NPTN: variants seen among roughly 807,000 people sequenced by gnomAD.
NPTN encodes the protein SDR-1.
Under a neutral mutation model 42.7 loss-of-function variants are expected in NPTN, and 5 were observed. The observed-to-expected ratio is 0.12, with a 90% CI of 0.06 to 0.25. The LOEUF (loss-of-function observed/expected upper bound fraction) is 0.25, where lower values mean the gene tolerates loss of function less well. NPTN is among the 10% of genes least tolerant of loss of function. The probability of loss-of-function intolerance (pLI) is 1.00; values close to 1 mark genes in which losing one functional copy is unlikely to be tolerated. For missense variants in NPTN, 307 were observed against 525.4 expected, an observed-to-expected ratio of 0.58 and a Z score of 4.06; for synonymous variants, 180 against 201.9, an observed-to-expected ratio of 0.89 and a Z score of 0.92.
intron 2 of NPTN, among the ~76,000 whole-genome samples, chr15:73,596,417 CACA>C (rs1437034412): frequency 2.0e-5 from 3 of 152,222 alleles, no homozygotes; most frequent in African/African-American, 4.8e-5. Context: ...ACATTCCCAT[CACA>C]ACAAGATGAC....
chr15:73,633,059 G>T lies in NPTN; in HGVS notation c.91+66C>A, dbSNP rs568363239. ...AGCTCCAGCGTCTCCTCAGGCCAGA[G>T]CCGGGCCCCCTCCGGCCCCGGCGCC... On this transcript the variant is annotated intron_variant, in intron 1 of 8. Coordinates refer to ENST00000345330, the MANE Select transcript of NPTN (RefSeq NM_012428.4). 5.9e-3 allele frequency: 6,912 copies of T among 1,179,316 alleles called. 35 individuals carry two copies. The highest frequency in any genetic ancestry group is 6.7e-3 in the Non-Finnish European group (5,950 of 891,140). 73.1% of individuals were successfully genotyped at this position (1,179,316 alleles called of 1,614,324 possible).
chr15:73,561,763 C>T, intron 8 of NPTN, 133 bp downstream of exon 8: 1 of 675,038 alleles, frequency 1.5e-6, no homozygotes, highest in Admixed American at 2.8e-5. Context: ...GAACTGGCTT[C>T]ATCAGTATCA....
chr15:73,631,499 T>C lies in NPTN; in HGVS notation c.91+1626A>G, dbSNP rs1030353735. Among the ~76,000 whole-genome samples, 7 of 152,254 alleles carry C rather than the reference T, an allele frequency of 4.6e-5. 1 individual carries two copies. Among genetic ancestry groups the C allele is most frequent in the Admixed American group, 4.6e-4 (7 of 15,290 alleles). On this transcript the variant is annotated intron_variant, in intron 1 of 8. Transcript: ENST00000345330. ...GTACTACGAACACATATTTAACTGA[T>C]GGATATTGTCAATCCTTTATTCGTT... is the stretch of plus-strand genomic sequence containing the variant.
intron 6 of NPTN, chr15:73,568,206 G>A (rs189631979): frequency 4.2e-5 from 41 of 985,366 alleles, no homozygotes; most frequent in Admixed American, 6.1e-5. Flanking sequence ...CACTGTGATA[G>A]CAACCTCATA....
At chr15:73,625,573 C>T (rs1251270890) in intron 1 of NPTN, among the ~76,000 whole-genome samples, 4 of 152,106 alleles carry the variant, frequency 2.6e-5, no homozygotes, top group African/African-American at 7.2e-5. Flanking sequence ...CCTCGTGATC[C>T]GCCCACCGCA....
At chr15:73,630,424 T>C (rs2141486326) in intron 1 of NPTN, among the ~76,000 whole-genome samples, 1 of 152,370 alleles carries the variant, frequency 6.6e-6, no homozygotes, top group East Asian at 1.9e-4. Context: ...ACCATTTTGA[T>C]GATACATATA....
chr15:73,607,984 A>C, intron 1 of NPTN, among the ~76,000 whole-genome samples: 1 of 152,242 alleles, frequency 6.6e-6, no homozygotes, highest in Non-Finnish European at 1.5e-5. Flanking sequence ...AAACAAAGGC[A>C]TAAGAGCCAC....
chr15:73,580,293 G>A (rs1310978981), intron 4 of NPTN, among the ~76,000 whole-genome samples: 4 of 150,234 alleles, frequency 2.7e-5, no homozygotes, highest in Admixed American at 2.0e-4. Flanking sequence ...TAGATGATGG[G>A]TTGATAGGTG....
intron 2 of NPTN, among the ~76,000 whole-genome samples, chr15:73,592,994 G>A (rs1896666860): frequency 6.6e-6 from 1 of 152,112 alleles, no homozygotes; most frequent in African/African-American, 2.4e-5. Flanking sequence ...GGGCCTAGAA[G>A]ACATATCTGA....
chr15:73,581,065 A>G (rs950028152), intron 4 of NPTN, among the ~76,000 whole-genome samples: 1 of 152,214 alleles, frequency 6.6e-6, no homozygotes, highest in African/African-American at 2.4e-5. Flanking sequence ...GGAAAGGCTA[A>G]GGCTTCGACT....
chr15:73,594,428 A>G (rs916524268), intron 2 of NPTN, among the ~76,000 whole-genome samples: 16 of 152,234 alleles, frequency 1.1e-4, no homozygotes, highest in African/African-American at 3.9e-4. Context: ...AGTGTTAAAG[A>G]TCCAGGAGAG....
rs1595934814 is a variant in NPTN at position 73,596,890 on chromosome 15, A to AT, written c.439+131dup. ...ACACTACAACCAGAAGGGTCATGGG[A>AT]TTGAAAAAAAAACGAAGACAAGGGG... On this transcript the variant is annotated intron_variant, in intron 2 of 8. Transcript: ENST00000345330. 36 of 743,778 alleles carry AT rather than the reference A, an allele frequency of 4.8e-5. No individual in the cohort carries two copies. In the East Asian group the frequency reaches 9.8e-4, roughly 20 times the overall value. 46.1% of individuals were successfully genotyped at this position (743,778 alleles called of 1,614,324 possible).
intron 1 of NPTN, among the ~76,000 whole-genome samples, chr15:73,627,576 T>C (rs1898483034): frequency 6.6e-6 from 1 of 152,194 alleles, no homozygotes; most frequent in African/African-American, 2.4e-5. Flanking sequence ...CTTTAAATAT[T>C]TAGAAAACCC....
intron 4 of NPTN, among the ~76,000 whole-genome samples, chr15:73,586,214 TCA>T (rs1896311694): frequency 6.6e-6 from 1 of 152,192 alleles, no homozygotes; most frequent in Admixed American, 6.5e-5. Context: ...GCCTCAAGTC[TCA>T]CAGAGAGGTC....
chr15:73,581,335 G>C (rs1156752574), intron 4 of NPTN, among the ~76,000 whole-genome samples: 1 of 152,170 alleles, frequency 6.6e-6, no homozygotes, highest in African/African-American at 2.4e-5. Context: ...GAAGGAGACA[G>C]AGACAATACT....
intron 1 of NPTN, among the ~76,000 whole-genome samples, chr15:73,620,821 A>G (rs1421250792): frequency 1.3e-5 from 2 of 152,260 alleles, no homozygotes; most frequent in Non-Finnish European, 2.9e-5. Flanking sequence ...TCACCATTAC[A>G]GCACAACTGT....
At chr15:73,579,220 A>G (rs1895864646) in intron 4 of NPTN, among the ~76,000 whole-genome samples, 2 of 150,910 alleles carry the variant, frequency 1.3e-5, no homozygotes, top group Admixed American at 6.6e-5. Context: ...TGGAGCTTGC[A>G]GTAAGCTGAG....
At chr15:73,585,264 T>A (rs1455607613) in intron 4 of NPTN, among the ~76,000 whole-genome samples, 4 of 152,220 alleles carry the variant, frequency 2.6e-5, no homozygotes, top group Admixed American at 2.0e-4. Flanking sequence ...CTCTCTGTTC[T>A]CAAGTACAAC....
chr15:73,587,614 T>C lies in NPTN; in HGVS notation c.616A>G (p.Asn206Asp). The change falls in exon 4 of 9, where the codon AAT becomes GAT. Residue 206 changes from asparagine to aspartate, a missense_variant. Asn to Asp is a conservative substitution (Grantham distance 23). Coordinates refer to ENST00000345330, the MANE Select transcript of NPTN (RefSeq NM_012428.4). ...CCTGAATCCTCAGCTCTCGGCTTAT[T>C]GATCCTGCAGAGATGAGAAGAAAAA... ...KNASNMEYRI[N>D]KPRAEDSGEY... The C allele has an allele frequency of 6.2e-7, 1 of 1,611,524 alleles. No individual in the cohort carries two copies. Among genetic ancestry groups the C allele is most frequent in the Non-Finnish European group, 8.5e-7 (1 of 1,177,600 alleles).
Sources: allele counts gnomAD v4.1 joint callset (sites outside exome capture counted in the v4.1 genomes callset), GRCh38; gene constraint gnomAD v4.1.1; transcripts MANE v1.5; gene names NCBI Gene and HGNC (gene_info 2026-07-23, HGNC 2026-07-21).